Variants in DOCK5 observed in about 807,000 individuals in gnomAD.
DOCK5 encodes dedicator of cytokinesis protein 5.
In DOCK5, 142 loss-of-function variants were observed where a neutral mutation model predicts 251.8. The observed-to-expected ratio is 0.56, with a 90% CI of 0.49 to 0.65. The LOEUF is 0.65. Ranked by LOEUF, DOCK5 falls within the 30% of genes least tolerant of loss-of-function variation. DOCK5 has a pLI of 0.00. For missense variants in DOCK5, 2,111 were observed against 2,312.3 expected (o/e 0.91, Z 1.79); for synonymous variants, 842 against 835.5 (o/e 1.01, Z -0.13).
Position 25,407,998 on chromosome 8 carries a change from A to G in DOCK5, c.5109A>G (p.Pro1703=). Residue 1703 remains proline, a synonymous_variant, in exon 49 of 52, where the codon CCA becomes CCG. Transcript: ENST00000276440. ...TGGCCAATAGCTCAATCTTGGAGCCACTTTTGGAGCGCAGGGCCTCGTCAG... is the reference window on the plus strand; with the variant it reads ...TGGCCAATAGCTCAATCTTGGAGCCGCTTTTGGAGCGCAGGGCCTCGTCAG... ...RPGSDGSILE[P]LLERRASSGA... is the part of the protein sequence containing the mutation. 1 of 1,612,046 alleles carries G rather than the reference A, an allele frequency of 6.2e-7. No individual in the cohort carries two copies. Among genetic ancestry groups the G allele is most frequent in the East Asian group, 2.2e-5 (1 of 44,878 alleles).
intron 5 of DOCK5, among the ~76,000 whole-genome samples, chr8:25,282,094 GCT>G (rs1334202009): frequency 6.6e-6 from 1 of 152,140 alleles, no homozygotes; most frequent in Non-Finnish European, 1.5e-5. Context: ...CTTGATACAT[GCT>G]CATCCAGTAA....
chr8:25,226,590 GTT>G (rs574512849), intron 1 of DOCK5, among the ~76,000 whole-genome samples: 179 of 142,688 alleles, frequency 1.3e-3, no homozygotes, highest in Non-Finnish European at 1.7e-3. Context: ...TTAATTTTAA[GTT>G]TTTTTTTTTT....
chr8:25,278,629 G>T lies in DOCK5; in HGVS notation c.285G>T (p.Leu95=), dbSNP rs774011473. ...LPLVQELTST[L]REWAVIWRKL... ...TGGTGCAGGAGCTCACGTCCACTCT[G>T]CGAGAATGGGCTGTCATCTGGCGAA... Residue 95 remains leucine, a synonymous_variant, in exon 5 of 52, where the codon CTG becomes CTT. Transcript: ENST00000276440. The T allele has an allele frequency of 4.3e-6, 7 of 1,613,840 alleles. No homozygotes were observed. The highest frequency in any genetic ancestry group is 5.1e-6 in the Non-Finnish European group (6 of 1,179,884).
chr8:25,213,064 G>T (rs1802142309), intron 1 of DOCK5, among the ~76,000 whole-genome samples: 1 of 115,700 alleles, frequency 8.6e-6, no homozygotes, highest in African/African-American at 2.8e-5. Flanking sequence ...TGTTGGAAAA[G>T]CCCCCGTGAC....
chr8:25,363,261 C>A (rs1026376110), intron 29 of DOCK5, 120 bp downstream of exon 29: 1 of 796,748 alleles, frequency 1.3e-6, no homozygotes, highest in Non-Finnish European at 2.1e-6. Context: ...AAGTGAGGAT[C>A]TTCCTGCTCC....
At chr8:25,396,762 CCGTG>C (rs1394090204) in intron 45 of DOCK5, among the ~76,000 whole-genome samples, 3 of 87,244 alleles carry the variant, frequency 3.4e-5, no homozygotes, top group Admixed American at 1.6e-4. Flanking sequence ...ACTCTTGTGT[CCGTG>C]TGTGTGTGTG....
intron 3 of DOCK5, among the ~76,000 whole-genome samples, chr8:25,272,370 C>G (rs974479561): frequency 6.6e-6 from 1 of 152,144 alleles, no homozygotes; most frequent in Non-Finnish European, 1.5e-5. Context: ...GTCTGAACAT[C>G]CAGTGTAAAT....
chr8:25,388,218 C>T (rs1801198335), intron 40 of DOCK5, among the ~76,000 whole-genome samples: 1 of 152,062 alleles, frequency 6.6e-6, no homozygotes, highest in Non-Finnish European at 1.5e-5. Flanking sequence ...TCCTGTTGTC[C>T]AGCTGATCTT....
At chr8:25,294,454 A>G (rs1327392874) in intron 6 of DOCK5, among the ~76,000 whole-genome samples, 1 of 152,202 alleles carries the variant, frequency 6.6e-6, no homozygotes, top group Non-Finnish European at 1.5e-5. Context: ...CATGCTGGGT[A>G]TTCGGATAGC....
chr8:25,373,654 A>G lies in DOCK5; in HGVS notation c.3721A>G (p.Ile1241Val). 6.3e-7 allele frequency: 1 copy of G among 1,593,620 alleles called. No individual in the cohort carries two copies. Among genetic ancestry groups the G allele is most frequent in the Non-Finnish European group, 8.5e-7 (1 of 1,170,190 alleles). The change falls in exon 36 of 52, where the codon ATA (isoleucine) becomes GTA (valine). Residue 1241 changes from isoleucine (I) to valine (V), a missense_variant. Physicochemically the swap from Ile to Val is conservative, Grantham distance 29. Around this residue, in one of 3 missense-constraint regions of DOCK5, gnomAD observed 1,717 missense variants for 1,892.4 expected, o/e 0.91. Transcript: ENST00000276440. ...AGAAAAGAAGAGAGAGGACATATAC[A>G]TAAGGTAAGCTGAAGGAAATTTCTT... ...YKEKKREDIY[I>V]RYLYKLRDLH...
At chr8:25,241,262 G>A (rs1345051210) in intron 1 of DOCK5, among the ~76,000 whole-genome samples, 3 of 152,122 alleles carry the variant, frequency 2.0e-5, no homozygotes, top group Non-Finnish European at 4.4e-5. Flanking sequence ...GGATCACGAG[G>A]TTAGGAGATC....
chr8:25,338,729 G>A (rs1022643181), intron 22 of DOCK5, among the ~76,000 whole-genome samples: 1 of 152,102 alleles, frequency 6.6e-6, no homozygotes, highest in Non-Finnish European at 1.5e-5. Context: ...TTCGACCAAG[G>A]GAATATTCTC....
At position 25,336,221 on chromosome 8, in the gene DOCK5, C is replaced by T; in HGVS notation, c.2193-18C>T. 3 of 1,599,740 alleles carry T rather than the reference C, an allele frequency of 1.9e-6. No homozygotes were observed. The highest frequency in any genetic ancestry group is 1.3e-5 in the African/African-American group (1 of 74,836). ...CCTGTTGCTCATTGGCTTAATTTTT[C>T]TTTCTCATTCTTCTAAGGAAACTCT... is the stretch of plus-strand genomic sequence containing the variant. On this transcript the variant is annotated intron_variant, in intron 21 of 51. Transcript: ENST00000276440.
In DOCK5 at chr8:25,224,118, T is replaced by C. The variant is rs1253596378; in HGVS notation, c.44-19556T>C. 1.3e-5 allele frequency among the ~76,000 whole-genome samples: 2 copies of C among 152,142 alleles called. 1 individual carries two copies. Among genetic ancestry groups the C allele is most frequent in the South Asian group, 4.1e-4 (2 of 4,822 alleles). On this transcript the variant is annotated intron_variant, in intron 1 of 51. Transcript: ENST00000276440. ...CTTGAGTTCCAAATCTTTGTTTTTG[T>C]TTTTTGTTTTCTTTTTCTGAGACAG...
chr8:25,184,798 C>A lies in DOCK5; in HGVS notation c.-111C>A. On this transcript the variant is annotated 5_prime_UTR_variant, in exon 1 of 52. Coordinates refer to ENST00000276440, the MANE Select transcript of DOCK5 (RefSeq NM_024940.8). ...GCCCGCGGAGTCCAGCGAAGTTTGGCGGAACATGGCGGAAGCGTCTGGGGC... is the reference window on the plus strand; with the variant it reads ...GCCCGCGGAGTCCAGCGAAGTTTGGAGGAACATGGCGGAAGCGTCTGGGGC... The A allele has an allele frequency of 2.9e-6, 3 of 1,048,442 alleles. No homozygotes were observed. Among genetic ancestry groups the A allele is most frequent in the Non-Finnish European group, 3.7e-6 (3 of 820,150 alleles). 64.9% of individuals were successfully genotyped at this position (1,048,442 alleles called of 1,614,324 possible).
chr8:25,379,653 A>T (rs900302087), intron 38 of DOCK5, among the ~76,000 whole-genome samples: 3 of 152,188 alleles, frequency 2.0e-5, no homozygotes, highest in African/African-American at 7.2e-5. Flanking sequence ...CAGGATTAAG[A>T]GATTAAAGTA....
rs533950967 is a variant in DOCK5, at chr8:25,412,570, C to T, written c.*1272C>T. ...CTCTGACAGACTCTTTAATATTTAC[C>T]CCTGGTTGGAACAATATTTGAAATG... On this transcript the variant is annotated 3_prime_UTR_variant, in exon 52 of 52. Transcript: ENST00000276440. The T allele has an allele frequency of 6.6e-6, 1 of 152,144 alleles. No homozygotes were observed. The highest frequency in any genetic ancestry group is 2.4e-5 in the African/African-American group (1 of 41,484). 9.4% of individuals were successfully genotyped at this position (152,144 alleles called of 1,614,324 possible). A position where few individuals can be genotyped will look rare whatever the true frequency, so the allele number is the denominator to read the frequency against.
At chr8:25,262,402 C>T (rs1461800480) in intron 2 of DOCK5, among the ~76,000 whole-genome samples, 1 of 152,144 alleles carries the variant, frequency 6.6e-6, no homozygotes, top group Admixed American at 6.5e-5. Flanking sequence ...TCCGTCAGCC[C>T]CCAAGTTCTC....
intron 27 of DOCK5, among the ~76,000 whole-genome samples, chr8:25,354,936 G>A (rs1342986404): frequency 1.3e-5 from 2 of 152,118 alleles, no homozygotes; most frequent in Non-Finnish European, 1.5e-5. Flanking sequence ...GTTAAAAAAG[G>A]GAATCAAGAT....
Sources: gnomAD v4.1 joint callset for allele counts (sites outside exome capture counted in the v4.1 genomes callset) on GRCh38, gnomAD v4.1.1 for gene constraint, gnomAD v4.1.1 regional missense constraint, MANE v1.5 for transcripts, NCBI Gene and HGNC (gene_info 2026-07-23, HGNC 2026-07-21) for gene names.